MYO3B: variants seen among roughly 807,000 people sequenced by gnomAD.
MYO3B encodes myosin-IIIb.
In MYO3B, 156 loss-of-function variants were observed where a neutral mutation model predicts 174.6. The ratio of observed to expected loss-of-function variants is 0.89; its 90% confidence interval spans 0.78 to 1.02. MYO3B has a LOEUF of 1.02. Ranked by LOEUF, MYO3B falls within the 50% of genes least tolerant of loss-of-function variation. The probability of loss-of-function intolerance (pLI) is 0.00; values close to 1 mark genes in which losing one functional copy is unlikely to be tolerated. For synonymous variants in MYO3B, 563 were observed against 569.1 expected, an observed-to-expected ratio of 0.99 and a Z score of 0.15; for missense variants, 1,632 against 1,639.4, an observed-to-expected ratio of 1.00 and a Z score of 0.08.
chr2:170,378,576 GACA>G lies in MYO3B; in HGVS notation c.972-3436_972-3434del, dbSNP rs1204291094. On this transcript the variant is annotated intron_variant, in intron 9 of 34. Transcript: ENST00000408978. ...TACAAGAATCAAGCTCAGATTTGCA[GACA>G]ACATCTGCATGATTCTTGGAAGTTA... Among the ~76,000 whole-genome samples the G allele has an allele frequency of 2.0e-5, 3 of 152,166 alleles. 1 individual carries two copies. Among genetic ancestry groups the G allele is most frequent in the Middle Eastern group, 6.3e-3 (2 of 316 alleles).
intron 28 of MYO3B, among the ~76,000 whole-genome samples, chr2:170,510,401 G>A (rs1214249546): frequency 6.6e-6 from 1 of 152,030 alleles, no homozygotes; most frequent in Admixed American, 6.6e-5. Flanking sequence ...AAAAGAACAA[G>A]GAGACACAGG....
At chr2:170,447,739 A>G in intron 23 of MYO3B, among the ~76,000 whole-genome samples, 1 of 152,222 alleles carries the variant, frequency 6.6e-6, no homozygotes, top group African/African-American at 2.4e-5. Flanking sequence ...GCTGCGCAGG[A>G]GACCAGAGTT....
Position 170,277,276 on chromosome 2 carries a change from T to A in MYO3B, c.749+41140T>A, listed in dbSNP as rs576489251. ...TGTTAATCACATAATTACTAGTGTG[T>A]TGTTAGAGCATATTGTGCTTTAAAT... On this transcript the variant is annotated intron_variant, in intron 7 of 34. Transcript: ENST00000408978. 5.1e-4 allele frequency among the ~76,000 whole-genome samples: 78 copies of A among 152,350 alleles called. No homozygotes were observed. The South Asian group carries it at 0.015, about 28-fold the overall frequency.
chr2:170,204,642 A>T (rs1187356603), intron 3 of MYO3B, among the ~76,000 whole-genome samples: 4 of 152,234 alleles, frequency 2.6e-5, no homozygotes, highest in Non-Finnish European at 5.9e-5. Context: ...CAAAATGCTC[A>T]TTAAATTCTA....
Position 170,466,679 on chromosome 2 carries a change from C to T in MYO3B, c.2982C>T (p.Ser994=), listed in dbSNP as rs1684657446. 6 of 1,614,102 alleles carry T rather than the reference C, an allele frequency of 3.7e-6. No individual in the cohort carries two copies. The East Asian group carries it at 1.3e-4, about 36-fold the overall frequency. ...ETVSIRRQGY[S]HRILFEEFVK... Reference sequence around the variant, plus strand: ...TCAGCATCCGCCGCCAGGGCTATTCCCACCGCATCCTTTTTGAAGAATTTG... The same window carrying T: ...TCAGCATCCGCCGCCAGGGCTATTCTCACCGCATCCTTTTTGAAGAATTTG... The change falls in exon 25 of 35, where the codon TCC becomes TCT. Residue 994 remains serine, a synonymous_variant. Coordinates refer to ENST00000408978, the MANE Select transcript of MYO3B (RefSeq NM_138995.5).
intron 8 of MYO3B, among the ~76,000 whole-genome samples, chr2:170,347,420 A>G (rs1558910566): frequency 6.6e-6 from 1 of 152,050 alleles, no homozygotes; most frequent in Admixed American, 6.6e-5. Flanking sequence ...TGGCCAACAC[A>G]GTGAAACCCC....
At chr2:170,632,732 G>A (rs1007189575) in intron 32 of MYO3B, among the ~76,000 whole-genome samples, 2 of 152,058 alleles carry the variant, frequency 1.3e-5, no homozygotes, top group Non-Finnish European at 2.9e-5. Flanking sequence ...TTGATAGACT[G>A]CTAGCAAGAC....
chr2:170,499,844 T>C, intron 27 of MYO3B, 36 bp downstream of exon 27: 1 of 1,603,696 alleles, frequency 6.2e-7, no homozygotes, highest in Non-Finnish European at 8.5e-7. Flanking sequence ...CTGCCCTGGG[T>C]ATTGGCATGT....
At chr2:170,219,159 C>T (rs996783806) in intron 6 of MYO3B, among the ~76,000 whole-genome samples, 1 of 152,328 alleles carries the variant, frequency 6.6e-6, no homozygotes, top group Non-Finnish European at 1.5e-5. Flanking sequence ...GAAACATTCC[C>T]TAATCCCTTG....
At chr2:170,580,923 T>TA (rs139732033) in intron 32 of MYO3B, among the ~76,000 whole-genome samples, 3,602 of 152,298 alleles carry the variant, frequency 0.024, 68 homozygotes, top group East Asian at 0.048. Flanking sequence ...TTCTCTTTTT[T>TA]ATTGTCATTT....
chr2:170,580,718 ATG>A (rs59092368), intron 32 of MYO3B, among the ~76,000 whole-genome samples: 6,853 of 142,666 alleles, frequency 0.048, 206 homozygotes, highest in Admixed American at 0.1. Flanking sequence ...AACCTTATAT[ATG>A]TGTGTGTGTG....
At position 170,236,121 on chromosome 2, in the gene MYO3B, T is replaced by C. The variant is rs780840339; in HGVS notation, c.734T>C (p.Leu245Pro). The change falls in exon 7 of 35, where the codon CTC (leucine) becomes CCC (proline). Residue 245 changes from leucine to proline, a missense_variant. Transcript: ENST00000408978. ...TTTGACATGCATCCTGTGAAAACAC[T>C]CTTTAAGATTCCAAGGTAAGACACA... ...PLFDMHPVKT[L>P]FKIPRNPPPT... 2.5e-6 allele frequency: 4 copies of C among 1,614,032 alleles called. No homozygotes were observed. Among genetic ancestry groups the C allele is most frequent in the South Asian group, 1.1e-5 (1 of 91,086 alleles).
intron 22 of MYO3B, among the ~76,000 whole-genome samples, chr2:170,432,529 G>A (rs1165915143): frequency 6.6e-6 from 1 of 150,934 alleles, no homozygotes; most frequent in Non-Finnish European, 1.5e-5. Flanking sequence ...AAGTTTGTGA[G>A]GTAAAAAAAG....
chr2:170,648,272 G>A (rs561151209), intron 32 of MYO3B, among the ~76,000 whole-genome samples: 12 of 152,286 alleles, frequency 7.9e-5, no homozygotes, highest in Admixed American at 1.3e-4. Flanking sequence ...AGAGGTGGAT[G>A]AAAATGTCTG....
At chr2:170,505,852 G>T (rs1687589613) in intron 28 of MYO3B, among the ~76,000 whole-genome samples, 1 of 152,196 alleles carries the variant, frequency 6.6e-6, no homozygotes, top group African/African-American at 2.4e-5. Context: ...CCACACACAC[G>T]CACAGGAGTC....
intron 32 of MYO3B, among the ~76,000 whole-genome samples, chr2:170,626,988 CTTCAT>C (rs1389894244): frequency 6.6e-6 from 1 of 151,952 alleles, no homozygotes; most frequent in African/African-American, 2.4e-5. Flanking sequence ...ACATTTTTTC[CTTCAT>C]TTCAACTTTG....
rs1553479413 is a variant in MYO3B, at chr2:170,387,276, C to T, written c.1545C>T (p.Leu515=). 6.2e-7 allele frequency: 1 copy of T among 1,613,980 alleles called. No individual in the cohort carries two copies. Among genetic ancestry groups the T allele is most frequent in the Non-Finnish European group, 8.5e-7 (1 of 1,179,976 alleles). ...TGGGGGCAAGAATCTCTGAATATCTCCTGGAAAAATCCAGAGTTATAAAAC... is the reference window on the plus strand; with the variant it reads ...TGGGGGCAAGAATCTCTGAATATCTTCTGGAAAAATCCAGAGTTATAAAAC... ...VVMGARISEY[L]LEKSRVIKQA... is the part of the protein sequence containing the mutation. Residue 515 remains leucine (L), a synonymous_variant, in exon 14 of 35, where the codon CTC becomes CTT. Transcript: ENST00000408978.
At chr2:170,347,263 A>G (rs1045170411) in intron 8 of MYO3B, among the ~76,000 whole-genome samples, 11 of 152,206 alleles carry the variant, frequency 7.2e-5, no homozygotes, top group Non-Finnish European at 1.0e-4. Context: ...CACTGCTGCC[A>G]TATGAAGTAG....
chr2:170,607,468 A>G (rs1289161614), intron 32 of MYO3B, among the ~76,000 whole-genome samples: 1 of 152,218 alleles, frequency 6.6e-6, no homozygotes, highest in Non-Finnish European at 1.5e-5. Context: ...TTGGCAAACC[A>G]CACTCTAGTT....
Sources: allele counts gnomAD v4.1 joint callset (sites outside exome capture counted in the v4.1 genomes callset), GRCh38; gene constraint gnomAD v4.1.1; transcripts MANE v1.5; gene names NCBI Gene and HGNC (gene_info 2026-07-23, HGNC 2026-07-21).